The following FAT3 variants were observed in gnomAD, a reference collection of about 807,000 sequenced individuals.
FAT3 encodes the protein protocadherin Fat 3.
A neutral mutation model predicts 310.2 loss-of-function variants in FAT3; 95 were observed. The ratio of observed to expected loss-of-function variants is 0.31; its 90% CI spans 0.26 to 0.36. The LOEUF (loss-of-function observed/expected upper bound fraction) is 0.36. Among genes scored for constraint, FAT3 ranks in the 10% least tolerant of loss-of-function variants. The pLI, the probability that FAT3 is intolerant of heterozygous loss-of-function variation, is 1.00. For missense variants in FAT3, 5,408 were observed against 5,715.6 expected (o/e 0.95, Z 1.74); for synonymous variants, 2,314 against 2,192.9 (o/e 1.06, Z -1.54).
At chr11:92,562,765 G>A (rs1353832694) in intron 3 of FAT3, among the ~76,000 whole-genome samples, 1 of 152,164 alleles carries the variant, frequency 6.6e-6, no homozygotes, top group East Asian at 1.9e-4. Flanking sequence ...GATAGGAGAA[G>A]ATGTTGATGT....
At position 92,774,097 on chromosome 11, in the gene FAT3, G is replaced by A. The variant is rs763203520; in HGVS notation, c.4252G>A (p.Ala1418Thr). 37 of 1,613,688 alleles carry A rather than the reference G, an allele frequency of 2.3e-5. No individual in the cohort carries two copies. Among genetic ancestry groups the A allele is most frequent in the East Asian group, 4.5e-5 (2 of 44,862 alleles). ...AEKGVGTIVI[A>T]KPLDAEQRSI... ...GAAGGGTGTTGGGACAATTGTCATC[G>A]CAAAACCTTTGGATGCAGAGCAGAG... is the stretch of plus-strand genomic sequence containing the variant. Residue 1418 changes from alanine to threonine, a missense_variant, in exon 7 of 28, where the codon GCA becomes ACA. Ala to Thr is a moderately conservative substitution (Grantham distance 58). Transcript: ENST00000525166.
chr11:92,476,932 G>A (rs575287243), intron 2 of FAT3, among the ~76,000 whole-genome samples: 20 of 152,246 alleles, frequency 1.3e-4, no homozygotes, highest in African/African-American at 3.8e-4. Flanking sequence ...TGACCACCAC[G>A]TGAAGCTTTG....
At chr11:92,705,279 T>C (rs1390059284) in intron 4 of FAT3, among the ~76,000 whole-genome samples, 2 of 151,396 alleles carry the variant, frequency 1.3e-5, no homozygotes, top group Non-Finnish European at 2.9e-5. Context: ...CAAGTCTAGC[T>C]AAACAAGGAG....
intron 3 of FAT3, among the ~76,000 whole-genome samples, chr11:92,549,994 A>T (rs1313006970): frequency 6.6e-6 from 1 of 152,178 alleles, no homozygotes; most frequent in Non-Finnish European, 1.5e-5. Flanking sequence ...AATGGGCCAT[A>T]ATCACACAGC....
intron 3 of FAT3, among the ~76,000 whole-genome samples, chr11:92,623,641 G>A (rs1941191497): frequency 6.6e-6 from 1 of 152,142 alleles, no homozygotes; most frequent in Non-Finnish European, 1.5e-5. Context: ...TGTATTGCCT[G>A]CTTTAAAATA....
chr11:92,666,312 T>G (rs1490714757), intron 3 of FAT3, among the ~76,000 whole-genome samples: 2 of 152,074 alleles, frequency 1.3e-5, no homozygotes, highest in African/African-American at 4.8e-5. Context: ...AGGTTAATAT[T>G]ATTTTAATTT....
chr11:92,606,172 T>C (rs1940287377), intron 3 of FAT3, among the ~76,000 whole-genome samples: 1 of 152,250 alleles, frequency 6.6e-6, no homozygotes, highest in Admixed American at 6.5e-5. Context: ...CAGTGTTTTC[T>C]CCATCAAACT....
chr11:92,662,152 G>C (rs1484894871), intron 3 of FAT3, among the ~76,000 whole-genome samples: 1 of 152,080 alleles, frequency 6.6e-6, no homozygotes, highest in Non-Finnish European at 1.5e-5. Context: ...ATTCCTATTG[G>C]CACTCAAAAT....
intron 1 of FAT3, among the ~76,000 whole-genome samples, chr11:92,269,479 C>G (rs1327903234): frequency 6.6e-6 from 1 of 152,100 alleles, no homozygotes; most frequent in African/African-American, 2.4e-5. Flanking sequence ...AAAAGTGAAG[C>G]TGGGACATAT....
At chr11:92,570,864 G>T (rs7948032) in intron 3 of FAT3, among the ~76,000 whole-genome samples, 44,732 of 151,984 alleles carry the variant, frequency 0.29, 7,550 homozygotes, top group Non-Finnish European at 0.39. Flanking sequence ...TATGATTTCA[G>T]TGTCAAAGTG....
intron 3 of FAT3, among the ~76,000 whole-genome samples, chr11:92,672,034 G>A (rs919480925): frequency 6.6e-6 from 1 of 152,060 alleles, no homozygotes; most frequent in Non-Finnish European, 1.5e-5. Flanking sequence ...CAGGAGAATC[G>A]CTTGAACCTG....
In FAT3 at chr11:92,429,019, C is replaced by G. The variant is rs183416185; in HGVS notation, c.3292+73615C>G. Among the ~76,000 whole-genome samples the G allele has an allele frequency of 1.5e-3, 232 of 152,242 alleles. 1 individual carries two copies. The highest frequency in any genetic ancestry group is 5.3e-3 in the African/African-American group (221 of 41,536). Reference sequence around the variant, plus strand: ...TATTATTGTGTGGGAGTCTAAGTCTCTTTGTAGGTCTCTAAGAACTTGCTT... The same window carrying G: ...TATTATTGTGTGGGAGTCTAAGTCTGTTTGTAGGTCTCTAAGAACTTGCTT... On this transcript the variant is annotated intron_variant, in intron 2 of 27. Transcript: ENST00000525166.
chr11:92,277,366 C>A (rs921669363), intron 1 of FAT3, among the ~76,000 whole-genome samples: 1 of 151,920 alleles, frequency 6.6e-6, no homozygotes, highest in African/African-American at 2.4e-5. Context: ...TGGATATATA[C>A]CCAAGGAAAA....
intron 13 of FAT3, among the ~76,000 whole-genome samples, chr11:92,819,992 G>C (rs1169326295): frequency 2.0e-5 from 3 of 152,118 alleles, no homozygotes; most frequent in African/African-American, 7.2e-5. Context: ...CCCTTCCCTT[G>C]AGAGTGGGCT....
intron 3 of FAT3, among the ~76,000 whole-genome samples, chr11:92,553,174 G>A (rs550986046): frequency 2.6e-5 from 4 of 152,094 alleles, no homozygotes; most frequent in East Asian, 3.9e-4. Flanking sequence ...ATAATGCTGC[G>A]AAAAATTAAT....
chr11:92,447,046 T>C (rs1056130184), intron 2 of FAT3, among the ~76,000 whole-genome samples: 18 of 152,294 alleles, frequency 1.2e-4, no homozygotes, highest in African/African-American at 4.3e-4. Context: ...TCTGCAGGAG[T>C]TCACATACTA....
At chr11:92,298,131 C>T (rs866852105) in intron 1 of FAT3, among the ~76,000 whole-genome samples, 4 of 152,036 alleles carry the variant, frequency 2.6e-5, no homozygotes, top group Non-Finnish European at 5.9e-5. Context: ...ACATAAATCT[C>T]CCAGTACTTA....
intron 4 of FAT3, among the ~76,000 whole-genome samples, chr11:92,735,370 G>T (rs1303611237): frequency 6.6e-6 from 1 of 152,074 alleles, no homozygotes; most frequent in African/African-American, 2.4e-5. Flanking sequence ...AATGTCATTT[G>T]CATTAAGACC....
chr11:92,347,508 A>C (rs1948449951), intron 1 of FAT3, among the ~76,000 whole-genome samples: 1 of 152,228 alleles, frequency 6.6e-6, no homozygotes, highest in Non-Finnish European at 1.5e-5. Context: ...TAATGTTGGC[A>C]GAAAACAGCT....
Sources: gnomAD v4.1 joint callset for allele counts (sites outside exome capture counted in the v4.1 genomes callset) on GRCh38, gnomAD v4.1.1 for gene constraint, MANE v1.5 for transcripts, NCBI Gene and HGNC (gene_info 2026-07-23, HGNC 2026-07-21) for gene names.